THSD4: variants seen among roughly 807,000 people sequenced by gnomAD.
THSD4 encodes thrombospondin type-1 domain-containing protein 4.
THSD4 carries 69 observed loss-of-function variants against 119.0 expected under a neutral mutation model. That is an observed-to-expected ratio of 0.58 (90% confidence interval 0.48 to 0.71). The LOEUF (loss-of-function observed/expected upper bound fraction) is 0.71. THSD4 is among the 30% of genes least tolerant of loss of function. THSD4 has a pLI of 0.00. For synonymous variants in THSD4, 524 were observed against 540.4 expected, an observed-to-expected ratio of 0.97 and a Z score of 0.42; for missense variants, 1,393 against 1,391.1, an observed-to-expected ratio of 1.00 and a Z score of -0.02.
At chr15:71,135,473 A>G (rs1330870857) in intron 1 of THSD4, among the ~76,000 whole-genome samples, 1 of 150,702 alleles carries the variant, frequency 6.6e-6, no homozygotes, top group Non-Finnish European at 1.5e-5. Flanking sequence ...ATTAAGGGAG[A>G]TGATCTCCTC....
chr15:71,104,918 G>A lies in THSD4; in HGVS notation c.-80+7912G>A, dbSNP rs137870616. On this transcript the variant is annotated intron_variant, in intron 1 of 17. Transcript: ENST00000355327. The stretch of plus-strand genomic sequence containing the variant: ...GGGCTGAGTGACTTAGCCCTTGTCC[G>A]GCACGGCCTTATGTCCTCTTTATAA... Among the ~76,000 whole-genome samples the A allele has an allele frequency of 2.9e-4, 44 of 152,250 alleles. No homozygotes were observed. In the East Asian group the frequency reaches 8.1e-3, roughly 28 times the overall value.
At chr15:71,134,606 C>T (rs566517926) in intron 1 of THSD4, among the ~76,000 whole-genome samples, 5 of 152,362 alleles carry the variant, frequency 3.3e-5, no homozygotes, top group Non-Finnish European at 5.9e-5. Flanking sequence ...ATTGCATGCC[C>T]GCCCTGTGTC....
chr15:71,474,581 C>T lies in THSD4; in HGVS notation c.1152+62758C>T, dbSNP rs145790287. Among the ~76,000 whole-genome samples, 189 of 152,228 alleles carry T rather than the reference C, an allele frequency of 1.2e-3. 4 individuals are homozygous for T. The East Asian group carries it at 0.023, about 18-fold the overall frequency. On this transcript the variant is annotated intron_variant, in intron 7 of 17. Transcript: ENST00000261862. ...CCATGGTTTCATGCAACCAGTCCAC[C>T]GTTGTACCAGCTGTTTTCTTCTCAC... is the stretch of plus-strand genomic sequence containing the variant.
At position 71,603,488 on chromosome 15, in the gene THSD4, A is replaced by G. The variant is rs1038456084; in HGVS notation, c.1153-57042A>G. ...CTGCCTCCTGCATCTATCAGAACCA[A>G]GTGGGTCATGAGATGCGTAGTTAAG... is the stretch of plus-strand genomic sequence containing the variant. On this transcript the variant is annotated intron_variant, in intron 7 of 17. Transcript: ENST00000261862. Among the ~76,000 whole-genome samples the G allele has an allele frequency of 7.2e-5, 11 of 152,284 alleles. No homozygotes were observed. In the South Asian group the frequency reaches 2.3e-3, roughly 32 times the overall value.
chr15:71,372,734 T>C (rs1291887664), intron 6 of THSD4, among the ~76,000 whole-genome samples: 1 of 152,258 alleles, frequency 6.6e-6, no homozygotes, highest in Non-Finnish European at 1.5e-5. Context: ...AGGGACCCAC[T>C]TGAGGGGGCA....
intron 17 of THSD4, among the ~76,000 whole-genome samples, chr15:71,774,200 A>T (rs2053872704): frequency 1.3e-5 from 2 of 151,646 alleles, no homozygotes; most frequent in South Asian, 4.2e-4. Flanking sequence ...AGTCCCAGCT[A>T]CTTGGAAGGC....
rs749082475 is a variant in THSD4 at position 71,190,154 on chromosome 15, C to G, written c.100-24881C>G. On this transcript the variant is annotated intron_variant, in intron 3 of 17. Transcript: ENST00000261862. Reference sequence around the variant, plus strand: ...AACTGAGTCCTGGCTCAAGGTCCCTCTCATCTCTCTGTAGCCTGCCCATAC... The same window carrying G: ...AACTGAGTCCTGGCTCAAGGTCCCTGTCATCTCTCTGTAGCCTGCCCATAC... Among the ~76,000 whole-genome samples, 28 of 152,216 alleles carry G rather than the reference C, an allele frequency of 1.8e-4. 1 individual carries two copies. The highest frequency in any genetic ancestry group is 2.5e-4 in the Non-Finnish European group (17 of 68,044).
upstream of THSD4, among the ~76,000 whole-genome samples, chr15:71,113,357 A>G (rs1360665957): frequency 4.6e-5 from 7 of 152,218 alleles, no homozygotes; most frequent in African/African-American, 1.4e-4. Context: ...GCTCACTAAT[A>G]ATCATACTTT....
intron 7 of THSD4, among the ~76,000 whole-genome samples, chr15:71,647,435 T>A (rs904475951): frequency 2.0e-5 from 3 of 152,194 alleles, no homozygotes; most frequent in African/African-American, 7.2e-5. Flanking sequence ...TTTAAACATT[T>A]CAGCCAAATT....
upstream of THSD4, chr15:71,114,831 T>G (rs1359288859): frequency 6.6e-6 from 1 of 152,172 alleles, no homozygotes; most frequent in East Asian, 1.9e-4. Flanking sequence ...TCAGGGTGTG[T>G]GTGTCTCCTC....
chr15:71,527,399 T>G (rs983119398), intron 7 of THSD4, among the ~76,000 whole-genome samples: 5 of 152,184 alleles, frequency 3.3e-5, no homozygotes, highest in Admixed American at 2.6e-4. Flanking sequence ...AATTCTCAAA[T>G]GGAGGGCAAC....
intron 6 of THSD4, chr15:71,341,361 G>A (rs755797528): frequency 3.6e-5 from 58 of 1,610,268 alleles, no homozygotes; most frequent in Non-Finnish European, 4.7e-5. Flanking sequence ...TTGTTCACTT[G>A]GATATGCTCA....
At chr15:71,405,381 A>G (rs1055397404) in intron 6 of THSD4, among the ~76,000 whole-genome samples, 2 of 152,230 alleles carry the variant, frequency 1.3e-5, no homozygotes, top group Admixed American at 1.3e-4. Context: ...GAACTGCCAT[A>G]TATTTTAGAG....
chr15:71,307,561 G>C (rs916569441), intron 6 of THSD4, among the ~76,000 whole-genome samples: 6 of 152,192 alleles, frequency 3.9e-5, no homozygotes, highest in African/African-American at 1.4e-4. Flanking sequence ...CATGAGGACA[G>C]GAGTTCAAGA....
rs141921803 is a variant in THSD4 at position 71,748,137 on chromosome 15, T to C, written c.2242-284T>C. Among the ~76,000 whole-genome samples, 49 of 152,312 alleles carry C rather than the reference T, an allele frequency of 3.2e-4. No individual in the cohort carries two copies. In the East Asian group the frequency reaches 9.2e-3, roughly 29 times the overall value. ...CCTGTCATGGCCAGGAAATCCATTT[T>C]TAAGGTTTCTCTGGGGGTCTCCTTG... On this transcript the variant is annotated intron_variant, in intron 13 of 17. Transcript: ENST00000261862.
intron 10 of THSD4, among the ~76,000 whole-genome samples, chr15:71,735,165 A>G (rs1022629811): frequency 5.9e-5 from 9 of 152,080 alleles, no homozygotes; most frequent in African/African-American, 2.2e-4. Context: ...AAGCCAAAAC[A>G]TTGGCTAGAC....
chr15:71,429,393 A>G (rs1321754272), intron 7 of THSD4, among the ~76,000 whole-genome samples: 1 of 152,252 alleles, frequency 6.6e-6, no homozygotes, highest in East Asian at 1.9e-4. Context: ...TCTTTGAAAT[A>G]CTGAATAGGA....
chr15:71,512,290 G>T (rs539960663), intron 7 of THSD4, among the ~76,000 whole-genome samples: 4 of 152,096 alleles, frequency 2.6e-5, no homozygotes, highest in African/African-American at 9.7e-5. Flanking sequence ...AAAAATGCTA[G>T]CAAATTACCC....
intron 1 of THSD4, among the ~76,000 whole-genome samples, chr15:71,103,886 T>C (rs1596200780): frequency 6.6e-6 from 1 of 152,174 alleles, no homozygotes; most frequent in East Asian, 1.9e-4. Flanking sequence ...TCTGTCTTCC[T>C]CTGGTGCACA....
Sources: gnomAD v4.1 joint callset for allele counts (sites outside exome capture counted in the v4.1 genomes callset) on GRCh38, gnomAD v4.1.1 for gene constraint, MANE v1.5 for transcripts, NCBI Gene and HGNC (gene_info 2026-07-23, HGNC 2026-07-21) for gene names.